Variants in CCDC180 observed in about 807,000 individuals in gnomAD.
The protein encoded by CCDC180 is coiled-coil domain-containing protein 180.
In CCDC180, 154 loss-of-function variants were observed where a neutral mutation model predicts 209.2. The ratio of observed to expected loss-of-function variants is 0.74; its 90% CI spans 0.65 to 0.84. CCDC180 has a LOEUF of 0.84. CCDC180 is among the 40% of genes least tolerant of loss of function. The pLI, the probability that CCDC180 is intolerant of heterozygous loss-of-function variation, is 0.00. For synonymous variants in CCDC180, 778 were observed against 749.1 expected (o/e 1.04, Z -0.63); for missense variants, 1,874 against 1,997.3 (o/e 0.94, Z 1.18).
rs1437064405 is a variant in CCDC180, at chr9:97,338,671, A to T, written c.2275-4669A>T. On this transcript the variant is annotated intron_variant, in intron 18 of 36. Transcript: ENST00000529487. ...GGGGTGGAGAGTTCTGTAGATGTCTATTAGGTCTGCTTGGTGCAGAGCTGA... is the reference window on the plus strand; with the variant it reads ...GGGGTGGAGAGTTCTGTAGATGTCTTTTAGGTCTGCTTGGTGCAGAGCTGA... Among the ~76,000 whole-genome samples the T allele has an allele frequency of 4.6e-5, 7 of 152,198 alleles. No homozygotes were observed. The East Asian group carries it at 1.3e-3, about 29-fold the overall frequency.
In CCDC180 at chr9:97,330,379, C is replaced by A. The variant is rs1309556885; in HGVS notation, c.1886C>A (p.Ser629Tyr). The part of the protein sequence containing the change: ...RVKKLRKKQG[S>Y]KEDMTRSEES... ...AAAAAACTGAGGAAGAAGCAAGGGT[C>A]TAAAGAGGACATGACCAGAAGTGAG... The change falls in exon 18 of 37, where the codon TCT becomes TAT. Residue 629 changes from serine (S) to tyrosine (Y), a missense_variant. Coordinates refer to ENST00000529487, the MANE Select transcript of CCDC180 (RefSeq NM_020893.6). 1.2e-6 allele frequency: 2 copies of A among 1,614,048 alleles called. No homozygotes were observed. Among genetic ancestry groups the A allele is most frequent in the Non-Finnish European group, 1.7e-6 (2 of 1,180,018 alleles).
chr9:97,347,674 T>C, intron 20 of CCDC180, 185 bp downstream of exon 20: 1 of 562,418 alleles, frequency 1.8e-6, no homozygotes, highest in Non-Finnish European at 3.0e-6. Context: ...AAGGTAGTAC[T>C]CCAAATCCTT....
At chr9:97,312,765 C>T (rs903792342) in intron 4 of CCDC180, among the ~76,000 whole-genome samples, 2 of 147,706 alleles carry the variant, frequency 1.4e-5, no homozygotes, top group Admixed American at 6.8e-5. Flanking sequence ...ATGGCAGGAG[C>T]ACAGACCTGG....
At chr9:97,348,975 A>T in intron 20 of CCDC180, 136 bp from the exon 21 acceptor site, 2 of 792,690 alleles carry the variant, frequency 2.5e-6, no homozygotes, top group Non-Finnish European at 3.9e-6. Context: ...CAGGGGCAGG[A>T]CAAGGGGCCT....
In CCDC180 at chr9:97,366,590, C is replaced by T; in HGVS notation, c.4079C>T (p.Thr1360Ile). Residue 1360 changes from threonine to isoleucine, a missense_variant, in exon 31 of 37, where the codon ACC becomes ATC. Coordinates refer to ENST00000529487, the MANE Select transcript of CCDC180 (RefSeq NM_020893.6). The surrounding 1 kb of genome is among the most constrained non-coding windows in gnomAD (Gnocchi z 4.3). ...TACCGTAAAGAAAAACGCCCAGTCA[C>T]CAGGCCTGACTGCATGTGTGACACC... ...EFYRKEKRPV[T>I]RPDCMCDTFD... 2 of 1,614,206 alleles carry T rather than the reference C, an allele frequency of 1.2e-6. No homozygotes were observed. Among genetic ancestry groups the T allele is most frequent in the Non-Finnish European group, 1.7e-6 (2 of 1,180,022 alleles).
At chr9:97,345,214 T>A (rs1826215589) in intron 19 of CCDC180, among the ~76,000 whole-genome samples, 6 of 152,252 alleles carry the variant, frequency 3.9e-5, no homozygotes, top group Admixed American at 3.9e-4. Context: ...CATATAGAAC[T>A]AAGAGTGGAA....
At chr9:97,328,216 G>A (rs761448508) in intron 16 of CCDC180, 70 bp downstream of exon 16, 260 of 1,545,858 alleles carry the variant, frequency 1.7e-4, no homozygotes, top group Non-Finnish European at 1.4e-4. Context: ...TTCTTGTTAT[G>A]ATCTGCCTAG....
Position 97,347,321 on chromosome 9 carries a change from G to T in CCDC180, c.2506G>T (p.Ala836Ser), listed in dbSNP as rs1483898950. 6.5e-7 allele frequency: 1 copy of T among 1,535,886 alleles called. No homozygotes were observed. Among genetic ancestry groups the T allele is most frequent in the Non-Finnish European group, 8.7e-7 (1 of 1,146,882 alleles). Reference sequence around the variant, plus strand: ...GGCTGGTCTCGCCCTCAGACTTCGAGCTGGCTTCTTCGAGCACCTTGAGAA... The same window carrying T: ...GGCTGGTCTCGCCCTCAGACTTCGATCTGGCTTCTTCGAGCACCTTGAGAA... Reference protein sequence around the residue: ...LILEIKKQLRAGFFEHLEKWF... With the variant: ...LILEIKKQLRSGFFEHLEKWF... The change falls in exon 20 of 37, where the codon GCT (alanine) becomes TCT (serine). Residue 836 changes from alanine (A) to serine (S), a missense_variant. Physicochemically the swap from Ala to Ser is moderately conservative, Grantham distance 99. Coordinates refer to ENST00000529487, the MANE Select transcript of CCDC180 (RefSeq NM_020893.6).
In CCDC180 at chr9:97,328,024, G is replaced by A; in HGVS notation, c.1666G>A (p.Glu556Lys). 1.9e-6 allele frequency: 3 copies of A among 1,613,518 alleles called. No individual in the cohort carries two copies. The highest frequency in any genetic ancestry group is 2.5e-6 in the Non-Finnish European group (3 of 1,179,678). ...DYLKNMKSRY[E>K]CFHTLLTKEV... Reference sequence around the variant, plus strand: ...TCTTACCTACCTACCTCCCAGGTATGAATGTTTTCACACCCTCCTGACAAA... The same window carrying A: ...TCTTACCTACCTACCTCCCAGGTATAAATGTTTTCACACCCTCCTGACAAA... The change falls in exon 16 of 37, where the codon GAA (glutamate) becomes AAA (lysine). Residue 556 changes from glutamate (E) to lysine (K), a missense_variant. Transcript: ENST00000529487.
intron 18 of CCDC180, among the ~76,000 whole-genome samples, chr9:97,332,217 C>G (rs1233326646): frequency 6.6e-6 from 1 of 151,924 alleles, no homozygotes; most frequent in Non-Finnish European, 1.5e-5. Context: ...GCATTCTATT[C>G]CATTGGTCTG....
intron 14 of CCDC180, among the ~76,000 whole-genome samples, chr9:97,326,226 G>A (rs1051084896): frequency 2.0e-5 from 3 of 152,230 alleles, no homozygotes; most frequent in Non-Finnish European, 4.4e-5. Flanking sequence ...CACGACTGGT[G>A]AGAAGAAGAG....
At position 97,326,577 on chromosome 9, in the gene CCDC180, G is replaced by A. The variant is rs1429229612; in HGVS notation, c.1569G>A (p.Arg523=). The part of the protein sequence containing the change: ...ESQVQEAHLD[R]LLDQLRQQSD... ...AGGTGCAGGAGGCCCACCTCGATAGGCTCTTGGACCAACTGAGGCAGCAAA... is the reference window on the plus strand; with the variant it reads ...AGGTGCAGGAGGCCCACCTCGATAGACTCTTGGACCAACTGAGGCAGCAAA... Residue 523 remains arginine, a synonymous_variant, in exon 15 of 37, where the codon AGG becomes AGA. Coordinates refer to ENST00000529487, the MANE Select transcript of CCDC180 (RefSeq NM_020893.6). 4 of 1,613,426 alleles carry A rather than the reference G, an allele frequency of 2.5e-6. No homozygotes were observed. Among genetic ancestry groups the A allele is most frequent in the Non-Finnish European group, 3.4e-6 (4 of 1,179,478 alleles).
intron 1 of CCDC180, 59 bp downstream of exon 1, chr9:97,307,865 A>G: frequency 1.2e-6 from 2 of 1,606,506 alleles, no homozygotes; most frequent in Non-Finnish European, 1.7e-6. Flanking sequence ...CCAGCCGCCT[A>G]CCCCCCAGCA....
At chr9:97,372,266 T>C (rs185134704) in intron 34 of CCDC180, 1 of 152,376 alleles carries the variant, frequency 6.6e-6, no homozygotes, top group Non-Finnish European at 1.5e-5. Flanking sequence ...TATTTAGATA[T>C]CATTTCTCAC....
At chr9:97,373,288 A>G (rs902763917) in intron 34 of CCDC180, 4 of 152,282 alleles carry the variant, frequency 2.6e-5, no homozygotes, top group Non-Finnish European at 4.4e-5. Context: ...TCACTGATCT[A>G]TAAAGTAATT....
intron 5 of CCDC180, among the ~76,000 whole-genome samples, chr9:97,313,842 TTTGCCCTTCTGGA>T (rs1833069149): frequency 6.6e-6 from 1 of 152,362 alleles, no homozygotes; most frequent in Admixed American, 6.5e-5. Flanking sequence ...GAGACCAGCC[TTTGCCCTTCTGGA>T]TTGCCCTGAG....
intron 24 of CCDC180, 54 bp from the exon 25 acceptor site, chr9:97,357,561 ACAGAATGTTTCC>A (rs1826617498): frequency 9.3e-7 from 1 of 1,076,044 alleles, no homozygotes; most frequent in Admixed American, 2.0e-5. Context: ...GGTATGTTTC[ACAGAATGTTTCC>A]CAGATCACAA....
chr9:97,369,424 GTTATGTTATGT>G (rs924250486), intron 31 of CCDC180: 1 of 23,244 alleles, frequency 4.3e-5, no homozygotes, highest in Non-Finnish European at 8.0e-5. Context: ...TTTATTTTAT[GTTATGTTATGT>G]TATGTTATGT....
chr9:97,321,228 A>G (rs1833347622), intron 11 of CCDC180, among the ~76,000 whole-genome samples: 1 of 152,236 alleles, frequency 6.6e-6, no homozygotes, highest in Admixed American at 6.5e-5. Flanking sequence ...AGATATTTTC[A>G]GCTTATGGTG....
Sources: allele counts gnomAD v4.1 joint callset (sites outside exome capture counted in the v4.1 genomes callset), GRCh38; gene constraint gnomAD v4.1.1; non-coding constraint Gnocchi (gnomAD v3.1); transcripts MANE v1.5; gene names NCBI Gene and HGNC (gene_info 2026-07-23, HGNC 2026-07-21).